Variants in PTPRD observed in about 807,000 individuals in gnomAD.
PTPRD encodes the protein protein tyrosine phosphatase receptor type D.
PTPRD carries 34 observed loss-of-function variants against 214.5 expected under a neutral mutation model. The observed-to-expected ratio is 0.16, with a 90% CI of 0.12 to 0.21. The LOEUF (loss-of-function observed/expected upper bound fraction) is 0.21. Ranked by LOEUF, PTPRD falls within the 10% of genes least tolerant of loss-of-function variation. The pLI, the probability that PTPRD is intolerant of heterozygous loss-of-function variation, is 1.00. For missense variants in PTPRD, 2,545 were observed against 2,398.7 expected (o/e 1.06, Z -1.27); for synonymous variants, 1,128 against 845.7 (o/e 1.33, Z -5.79).
Position 8,316,689 on chromosome 9 carries a change from C to G in PTPRD, c.*1185G>C, listed in dbSNP as rs192004535. 8.2e-4 allele frequency: 189 copies of G among 230,680 alleles called. No individual in the cohort carries two copies. The highest frequency in any genetic ancestry group is 1.3e-3 in the Middle Eastern group (1 of 762). The allele number at this position is 230,680 out of a possible 1,614,324, so 14.3% of individuals were successfully genotyped here. On this transcript the variant is annotated 3_prime_UTR_variant, in exon 46 of 46. Coordinates refer to ENST00000381196, the MANE Select transcript of PTPRD (RefSeq NM_002839.4). The stretch of plus-strand genomic sequence containing the variant: ...GTTGGAAGCCTGACTAACAAACAAA[C>G]AAAACAATTTGTGGATGTGATTGAT...
chr9:9,874,261 T>C (rs1253921775), intron 5 of PTPRD, among the ~76,000 whole-genome samples: 3 of 152,184 alleles, frequency 2.0e-5, no homozygotes, highest in Non-Finnish European at 4.4e-5. Context: ...GGAGCTCTAC[T>C]AGTAAAGCTG....
At chr9:9,474,061 T>G (rs112765282) in intron 8 of PTPRD, among the ~76,000 whole-genome samples, 2,413 of 152,172 alleles carry the variant, frequency 0.016, 31 homozygotes, top group Non-Finnish European at 0.024. Context: ...GTGTTTCCCC[T>G]ATATTTACTT....
intron 3 of PTPRD, among the ~76,000 whole-genome samples, chr9:10,207,506 TATTA>T (rs1199519774): frequency 6.6e-6 from 1 of 152,018 alleles, no homozygotes; most frequent in Admixed American, 6.5e-5. Flanking sequence ...GTAGAACTGG[TATTA>T]ATTCTTTCTA....
chr9:9,598,674 C>T (rs1474070201), intron 7 of PTPRD, among the ~76,000 whole-genome samples: 1 of 151,880 alleles, frequency 6.6e-6, no homozygotes, highest in Admixed American at 6.6e-5. Flanking sequence ...AAATTTATAT[C>T]CTATTTTTTC....
At position 10,133,520 on chromosome 9, in the gene PTPRD, C is replaced by T. The variant is rs148023573; in HGVS notation, c.-544-99730G>A. 1.2e-4 allele frequency among the ~76,000 whole-genome samples: 18 copies of T among 151,604 alleles called. No individual in the cohort carries two copies. The East Asian group carries it at 1.6e-3, about 13-fold the overall frequency. On this transcript the variant is annotated intron_variant, in intron 3 of 45. Coordinates refer to ENST00000381196, the MANE Select transcript of PTPRD (RefSeq NM_002839.4). The stretch of plus-strand genomic sequence containing the variant: ...TTATATATAAGTACATAAATGTGTA[C>T]GTGCACAAATAACATAAATAACTTA...
chr9:9,187,718 T>C (rs1217827845), intron 9 of PTPRD, among the ~76,000 whole-genome samples: 1 of 151,960 alleles, frequency 6.6e-6, no homozygotes, highest in Non-Finnish European at 1.5e-5. Context: ...CAACCCACAT[T>C]GCAGTGAACA....
rs187807966 is a variant in PTPRD at position 10,377,409 on chromosome 9, T to C, written c.-599-36392A>G. On this transcript the variant is annotated intron_variant, in intron 2 of 45. Coordinates refer to ENST00000381196, the MANE Select transcript of PTPRD (RefSeq NM_002839.4). Reference sequence around the variant, plus strand: ...GCACCCATTAACTCGTCATTTATATTAGGTATATCTCCTAATGCTATCCCT... The same window carrying C: ...GCACCCATTAACTCGTCATTTATATCAGGTATATCTCCTAATGCTATCCCT... Among the ~76,000 whole-genome samples the C allele has an allele frequency of 4.2e-3, 635 of 152,148 alleles. 10 individuals are homozygous for C. The highest frequency in any genetic ancestry group is 0.014 in the African/African-American group (599 of 41,530).
At chr9:9,077,779 A>G (rs1332795804) in intron 10 of PTPRD, among the ~76,000 whole-genome samples, 1 of 152,094 alleles carries the variant, frequency 6.6e-6, no homozygotes, top group Non-Finnish European at 1.5e-5. Flanking sequence ...GATGAAGCAC[A>G]TGGAACATTT....
At chr9:8,473,686 GA>G (rs368967077) in intron 30 of PTPRD, among the ~76,000 whole-genome samples, 8 of 149,496 alleles carry the variant, frequency 5.4e-5, no homozygotes, top group Non-Finnish European at 7.4e-5. Context: ...TCTTGTACAT[GA>G]AAAAAAAAAT....
intron 9 of PTPRD, among the ~76,000 whole-genome samples, chr9:9,343,462 C>T (rs1243684921): frequency 6.6e-6 from 1 of 152,108 alleles, no homozygotes; most frequent in Non-Finnish European, 1.5e-5. Flanking sequence ...ATTTGCATTT[C>T]TCTAATGACC....
chr9:9,937,764 G>A (rs993691690), intron 5 of PTPRD, among the ~76,000 whole-genome samples: 2 of 152,088 alleles, frequency 1.3e-5, no homozygotes, highest in Non-Finnish European at 2.9e-5. Flanking sequence ...TAAGTTATGT[G>A]TAGGCCCACC....
Position 10,508,020 on chromosome 9 carries a change from G to A in PTPRD, c.-600+104378C>T, listed in dbSNP as rs1187064057. Reference sequence around the variant, plus strand: ...CATCAGAGTGAACAGGCAACCTACAGAATGGGAGAAAATTTTTGCAATCTA... The same window carrying A: ...CATCAGAGTGAACAGGCAACCTACAAAATGGGAGAAAATTTTTGCAATCTA... On this transcript the variant is annotated intron_variant, in intron 2 of 45. Transcript: ENST00000381196. Among the ~76,000 whole-genome samples, 6 of 152,126 alleles carry A rather than the reference G, an allele frequency of 3.9e-5. No individual in the cohort carries two copies. In the East Asian group the frequency reaches 5.8e-4, roughly 15 times the overall value.
intron 36 of PTPRD, among the ~76,000 whole-genome samples, chr9:8,390,980 A>T (rs544719970): frequency 3.3e-5 from 5 of 152,166 alleles, no homozygotes; most frequent in Admixed American, 6.6e-5. Context: ...TCAGAATCAA[A>T]AAGGGAGTTA....
At chr9:10,603,508 C>G (rs999749176) in intron 2 of PTPRD, among the ~76,000 whole-genome samples, 2 of 151,858 alleles carry the variant, frequency 1.3e-5, no homozygotes, top group African/African-American at 4.8e-5. Flanking sequence ...TAGCATTTAC[C>G]TTCCGTACTA....
intron 14 of PTPRD, among the ~76,000 whole-genome samples, chr9:8,599,613 CTTTTTTTTTTTTTTTT>C (rs1172437057): frequency 0.049 from 2,617 of 53,430 alleles, 116 homozygotes; most frequent in East Asian, 0.23. Context: ...CCCGCCCACC[CTTTTTTTTTTTTTTTT>C]TTTTTTTTTT....
At chr9:10,030,101 G>A (rs1019797441) in intron 4 of PTPRD, among the ~76,000 whole-genome samples, 2 of 152,110 alleles carry the variant, frequency 1.3e-5, no homozygotes, top group Non-Finnish European at 2.9e-5. Context: ...TGATTGTGAG[G>A]CCTCCCCAGA....
intron 11 of PTPRD, among the ~76,000 whole-genome samples, chr9:8,814,684 G>A (rs905670900): frequency 3.9e-5 from 6 of 152,160 alleles, no homozygotes; most frequent in East Asian, 1.9e-4. Flanking sequence ...TAGATTATGC[G>A]ATGATCCAAG....
chr9:9,901,928 A>G (rs2076497580), intron 5 of PTPRD, among the ~76,000 whole-genome samples: 1 of 152,144 alleles, frequency 6.6e-6, no homozygotes. Context: ...TGAAAACAGC[A>G]AATATTTTTA....
At chr9:8,844,104 A>C (rs2097634831) in intron 11 of PTPRD, among the ~76,000 whole-genome samples, 1 of 152,218 alleles carries the variant, frequency 6.6e-6, no homozygotes, top group Non-Finnish European at 1.5e-5. Context: ...CTAGTACCTA[A>C]ATATTCCAAA....
Sources: allele counts gnomAD v4.1 joint callset (sites outside exome capture counted in the v4.1 genomes callset), GRCh38; gene constraint gnomAD v4.1.1; transcripts MANE v1.5; gene names NCBI Gene and HGNC (gene_info 2026-07-23, HGNC 2026-07-21).